The following RPTOR variants were observed in gnomAD, a reference collection of about 807,000 sequenced individuals.
RPTOR encodes regulatory-associated protein of mTOR.
A neutral mutation model predicts 169.9 loss-of-function variants in RPTOR; 21 were observed. That is an observed-to-expected ratio of 0.12 (90% confidence interval 0.09 to 0.18). The LOEUF (loss-of-function observed/expected upper bound fraction) is 0.18, where lower values mean the gene tolerates loss of function less well. Among genes scored for constraint, RPTOR ranks in the 10% least tolerant of loss-of-function variants. The pLI is 1.00. For synonymous variants in RPTOR, 732 were observed against 753.2 expected (o/e 0.97, Z 0.46); for missense variants, 1,133 against 1,855.9 (o/e 0.61, Z 7.16).
At chr17:80,686,865 A>G (rs1246858586) in intron 3 of RPTOR, among the ~76,000 whole-genome samples, 2 of 152,186 alleles carry the variant, frequency 1.3e-5, no homozygotes, top group South Asian at 2.1e-4. Flanking sequence ...TTTATTTTCA[A>G]TCTTGAATGA....
chr17:80,837,794 C>A, intron 9 of RPTOR, 128 bp from the exon 10 acceptor site: 1 of 823,280 alleles, frequency 1.2e-6, no homozygotes, highest in Non-Finnish European at 2.0e-6. Context: ...TGCCCCCCAC[C>A]AGCTGCCGTG....
At chr17:80,817,589 G>A (rs2067337245) in intron 7 of RPTOR, among the ~76,000 whole-genome samples, 1 of 152,138 alleles carries the variant, frequency 6.6e-6, no homozygotes, top group South Asian at 2.1e-4. Flanking sequence ...TGGAAGTGGG[G>A]AGCAGGCAGA....
At chr17:80,827,160 C>G (rs2067453643) in intron 9 of RPTOR, among the ~76,000 whole-genome samples, 1 of 152,238 alleles carries the variant, frequency 6.6e-6, no homozygotes, top group Non-Finnish European at 1.5e-5. Flanking sequence ...TCACAGATTA[C>G]AGACCAGTCA....
At chr17:80,800,011 A>C (rs1157415488) in intron 7 of RPTOR, among the ~76,000 whole-genome samples, 3 of 152,182 alleles carry the variant, frequency 2.0e-5, no homozygotes, top group Non-Finnish European at 4.4e-5. Flanking sequence ...GCCAGGCCAG[A>C]GCTCTCTAGG....
intron 17 of RPTOR, among the ~76,000 whole-genome samples, chr17:80,888,264 G>A (rs1434767190): frequency 6.6e-6 from 1 of 152,170 alleles, no homozygotes; most frequent in Admixed American, 6.5e-5. Context: ...ACAGGCGCGT[G>A]CCACCATGCT....
intron 2 of RPTOR, among the ~76,000 whole-genome samples, chr17:80,634,829 T>TGC (rs1319797909): frequency 2.0e-4 from 29 of 144,294 alleles, no homozygotes; most frequent in African/African-American, 3.6e-4. Context: ...GCATACTGTG[T>TGC]GTGTGTGCAT....
rs1468224064 is a variant in RPTOR at position 80,601,554 on chromosome 17, T to G, written c.163-24137T>G. 2.8e-4 allele frequency among the ~76,000 whole-genome samples: 5 copies of G among 18,142 alleles called. 1 individual carries two copies. Among genetic ancestry groups the G allele is most frequent in the African/African-American group, 8.2e-4 (4 of 4,894 alleles). The allele number at this position is 18,142 out of a possible 152,430, so 11.9% of individuals were successfully genotyped here. Reference sequence around the variant, plus strand: ...GCTGCTGTTGGTGAAGATGGTTCAGTCTTTTTTTTTTTTTTTTTAAATTTA... The same window carrying G: ...GCTGCTGTTGGTGAAGATGGTTCAGGCTTTTTTTTTTTTTTTTTAAATTTA... On this transcript the variant is annotated intron_variant, in intron 1 of 33. Transcript: ENST00000306801.
intron 20 of RPTOR, among the ~76,000 whole-genome samples, chr17:80,898,650 G>A (rs1210265881): frequency 4.5e-5 from 1 of 22,012 alleles, no homozygotes; most frequent in East Asian, 1.2e-3. Flanking sequence ...CCCAACCCCT[G>A]CCCCCGCTCC....
intron 1 of RPTOR, among the ~76,000 whole-genome samples, chr17:80,583,179 C>T (rs1221757217): frequency 8.2e-5 from 9 of 109,488 alleles, no homozygotes; most frequent in Admixed American, 6.3e-4. Context: ...CTGCCTCTTT[C>T]CTGTTTTTTT....
chr17:80,590,326 G>A (rs973057595), intron 1 of RPTOR, among the ~76,000 whole-genome samples: 3 of 150,962 alleles, frequency 2.0e-5, no homozygotes, highest in African/African-American at 7.3e-5. Context: ...GGTGAAGGAA[G>A]CACGCAGGTA....
At chr17:80,906,098 G>A (rs990237210) in intron 20 of RPTOR, among the ~76,000 whole-genome samples, 1 of 152,144 alleles carries the variant, frequency 6.6e-6, no homozygotes, top group African/African-American at 2.4e-5. Flanking sequence ...ATGTTAGAGA[G>A]TGTCGTGGAG....
At chr17:80,880,051 A>C (rs1175759758) in intron 13 of RPTOR, among the ~76,000 whole-genome samples, 2 of 152,026 alleles carry the variant, frequency 1.3e-5, no homozygotes, top group African/African-American at 4.8e-5. Context: ...GCTGGTTCTG[A>C]GTGAGTGCTG....
At chr17:80,568,049 G>A (rs1302918960) in intron 1 of RPTOR, among the ~76,000 whole-genome samples, 3 of 151,870 alleles carry the variant, frequency 2.0e-5, no homozygotes, top group Non-Finnish European at 4.4e-5. Flanking sequence ...TGGGACTACA[G>A]GCATGCGCTA....
At chr17:80,893,395 GGT>G (rs3042650) in intron 19 of RPTOR, among the ~76,000 whole-genome samples, 176 of 139,198 alleles carry the variant, frequency 1.3e-3, no homozygotes, top group South Asian at 9.0e-3. Context: ...TGCATGCCAG[GGT>G]GTGTGTGTGT....
At chr17:80,870,597 AG>A (rs34735294) in intron 13 of RPTOR, among the ~76,000 whole-genome samples, 1 of 152,228 alleles carries the variant, frequency 6.6e-6, no homozygotes, top group African/African-American at 2.4e-5. Context: ...AGTCTCACCA[AG>A]GGGGCAAGAG....
intron 7 of RPTOR, among the ~76,000 whole-genome samples, chr17:80,794,817 G>A (rs2067084816): frequency 2.0e-5 from 3 of 152,216 alleles, no homozygotes; most frequent in Admixed American, 6.5e-5. Context: ...CAAGGGTGGC[G>A]CATGGTCCGA....
At chr17:80,605,218 A>C (rs1360426847) in intron 1 of RPTOR, among the ~76,000 whole-genome samples, 1 of 152,196 alleles carries the variant, frequency 6.6e-6, no homozygotes, top group Non-Finnish European at 1.5e-5. Context: ...AGCTGGGTGA[A>C]GAAGGAAGAA....
rs977743475 is a variant in RPTOR at position 80,726,052 on chromosome 17, A to G, written c.508-4508A>G. On this transcript the variant is annotated intron_variant, in intron 4 of 33. Transcript: ENST00000306801. The surrounding 1 kb of genome is among the most constrained non-coding windows in gnomAD (Gnocchi z 4.5). ...TGTGTGGTGCACAGGGCAGCCCCAC[A>G]AGGAGCGGCCCGGCCCCAAATGGCC... 2.6e-5 allele frequency among the ~76,000 whole-genome samples: 4 copies of G among 152,176 alleles called. No individual in the cohort carries two copies. Among genetic ancestry groups the G allele is most frequent in the Non-Finnish European group, 5.9e-5 (4 of 68,024 alleles).
chr17:80,681,521 G>A (rs980951205), intron 3 of RPTOR, among the ~76,000 whole-genome samples: 14 of 152,054 alleles, frequency 9.2e-5, no homozygotes, highest in Non-Finnish European at 1.8e-4. Flanking sequence ...CCGGTGGTGC[G>A]GTATCGAGGA....
Sources: allele counts gnomAD v4.1 joint callset (sites outside exome capture counted in the v4.1 genomes callset), GRCh38; gene constraint gnomAD v4.1.1; non-coding constraint Gnocchi (gnomAD v3.1); transcripts MANE v1.5; gene names NCBI Gene and HGNC (gene_info 2026-07-23, HGNC 2026-07-21).